The following INTS9 variants were observed in gnomAD, a reference collection of about 807,000 sequenced individuals.
INTS9 encodes protein related to CPSF subunits of 74 kDa.
INTS9 carries 55 observed loss-of-function variants against 79.7 expected under a neutral mutation model. The observed-to-expected ratio is 0.69, with a 90% CI of 0.56 to 0.86. The LOEUF (loss-of-function observed/expected upper bound fraction) is 0.86. Among genes scored for constraint, INTS9 ranks in the 40% least tolerant of loss-of-function variants. INTS9 has a pLI of 0.00. For synonymous variants in INTS9, 319 were observed against 325.2 expected, an observed-to-expected ratio of 0.98 and a Z score of 0.20; for missense variants, 721 against 831.5, an observed-to-expected ratio of 0.87 and a Z score of 1.64.
intron 1 of INTS9, chr8:28,861,942 C>G: frequency 6.9e-6 from 2 of 288,018 alleles, no homozygotes; most frequent in Non-Finnish European, 1.0e-5. Flanking sequence ...TGAGCTCTAC[C>G]CAGTTTCAGA....
intron 1 of INTS9, among the ~76,000 whole-genome samples, chr8:28,889,181 C>CA (rs752846277): frequency 2.0e-5 from 3 of 152,152 alleles, no homozygotes; most frequent in Non-Finnish European, 4.4e-5. Context: ...TGGCTCAAAT[C>CA]AAAGGTCTGA....
At chr8:28,869,505 G>T (rs1004248567) in intron 1 of INTS9, among the ~76,000 whole-genome samples, 2 of 152,188 alleles carry the variant, frequency 1.3e-5, no homozygotes, top group Admixed American at 6.5e-5. Context: ...TCCCAGAGGG[G>T]CTGGGAGCAT....
rs531603452 is a variant in INTS9, at chr8:28,771,636, T to C, written c.1564-556A>G. 5.6e-4 allele frequency among the ~76,000 whole-genome samples: 86 copies of C among 152,354 alleles called. 2 individuals are homozygous for C. The South Asian group carries it at 0.013, about 22-fold the overall frequency. ...AAGCAGCTTAGGATACTTAAGCAGA[T>C]TGGCAAGTGGTACGTGAGGCCTGTT... On this transcript the variant is annotated intron_variant, in intron 14 of 16. Transcript: ENST00000521022.
intron 11 of INTS9, among the ~76,000 whole-genome samples, chr8:28,784,597 G>T (rs186752563): frequency 3.5e-3 from 540 of 152,290 alleles, no homozygotes; most frequent in Middle Eastern, 0.01. Flanking sequence ...GACATTTGTT[G>T]AAATACGTGT....
At chr8:28,804,196 G>A (rs1804676813) in intron 8 of INTS9, among the ~76,000 whole-genome samples, 1 of 152,134 alleles carries the variant, frequency 6.6e-6, no homozygotes, top group South Asian at 2.1e-4. Context: ...AAGGTGTTGG[G>A]ATTACAGGCA....
intron 8 of INTS9, among the ~76,000 whole-genome samples, chr8:28,809,385 G>A (rs181635252): frequency 1.3e-5 from 2 of 152,276 alleles, no homozygotes; most frequent in African/African-American, 2.4e-5. Flanking sequence ...GCTAACATCT[G>A]CATTAGTCTA....
chr8:28,854,969 C>T (rs1808061283), intron 2 of INTS9, among the ~76,000 whole-genome samples: 1 of 152,174 alleles, frequency 6.6e-6, no homozygotes, highest in African/African-American at 2.4e-5. Context: ...TGATTTTGTT[C>T]CTTTTTCTGG....
intron 12 of INTS9, among the ~76,000 whole-genome samples, chr8:28,778,280 C>G (rs1803015146): frequency 1.3e-5 from 2 of 152,160 alleles, no homozygotes; most frequent in African/African-American, 4.8e-5. Context: ...GTTTGGCAAC[C>G]ATTACAGTTC....
chr8:28,836,390 A>G (rs554209607), intron 5 of INTS9, among the ~76,000 whole-genome samples: 11 of 152,316 alleles, frequency 7.2e-5, no homozygotes, highest in Non-Finnish European at 1.5e-4. Flanking sequence ...AAAGGTAGAA[A>G]TGGATTTGAC....
At chr8:28,856,442 G>GTC (rs142538325) in intron 2 of INTS9, among the ~76,000 whole-genome samples, 20 of 150,998 alleles carry the variant, frequency 1.3e-4, no homozygotes, top group South Asian at 1.3e-3. Context: ...TTGAGACACG[G>GTC]TCTCTCTCTC....
intron 8 of INTS9, among the ~76,000 whole-genome samples, chr8:28,799,701 C>T (rs1160729479): frequency 2.6e-5 from 4 of 152,178 alleles, no homozygotes; most frequent in Non-Finnish European, 5.9e-5. Flanking sequence ...CAAATACACA[C>T]ACAAAGAAAA....
chr8:28,859,645 ATCT>A (rs1343408548), intron 1 of INTS9, 82 bp from the exon 2 acceptor site: 9 of 1,440,456 alleles, frequency 6.2e-6, no homozygotes, highest in African/African-American at 1.4e-5. Flanking sequence ...AACTCTGACG[ATCT>A]TCTCTCATAA....
intron 1 of INTS9, among the ~76,000 whole-genome samples, chr8:28,870,353 T>C (rs1421773723): frequency 8.3e-5 from 11 of 132,508 alleles, no homozygotes; most frequent in African/African-American, 3.7e-4. Context: ...AAAAAGCTTT[T>C]TTTTTTTTTT....
At chr8:28,820,432 T>C (rs1805764220) in intron 6 of INTS9, among the ~76,000 whole-genome samples, 1 of 152,210 alleles carries the variant, frequency 6.6e-6, no homozygotes, top group Admixed American at 6.5e-5. Context: ...GGTTGAAAAT[T>C]CTTTTCTTTA....
chr8:28,848,799 A>G (rs1807670980), intron 3 of INTS9, among the ~76,000 whole-genome samples: 1 of 152,068 alleles, frequency 6.6e-6, no homozygotes, highest in African/African-American at 2.4e-5. Flanking sequence ...AACACTTACA[A>G]TGTCACTGTA....
intron 10 of INTS9, among the ~76,000 whole-genome samples, chr8:28,792,806 C>T (rs925557799): frequency 1.7e-4 from 25 of 151,230 alleles, no homozygotes; most frequent in African/African-American, 5.8e-4. Context: ...CCAGCTTCTT[C>T]GGAGGCTGAG....
In INTS9 at chr8:28,836,062, G is replaced by A. The variant is rs555309373; in HGVS notation, c.402-684C>T. On this transcript the variant is annotated intron_variant, in intron 5 of 16. Coordinates refer to ENST00000521022, the MANE Select transcript of INTS9 (RefSeq NM_018250.4). ...TGACCTCAGGTGATCCACCCGCCTC[G>A]GCCTCCCAAAGTGCTGGGGGATTAC... Among the ~76,000 whole-genome samples, 7 of 152,156 alleles carry A rather than the reference G, an allele frequency of 4.6e-5. No individual in the cohort carries two copies. In the East Asian group the frequency reaches 7.7e-4, roughly 17 times the overall value.
intron 8 of INTS9, among the ~76,000 whole-genome samples, chr8:28,806,784 T>C (rs1258344137): frequency 6.6e-6 from 1 of 152,210 alleles, no homozygotes; most frequent in Non-Finnish European, 1.5e-5. Flanking sequence ...TTTGGTTATT[T>C]AAATCATGAA....
intron 1 of INTS9, among the ~76,000 whole-genome samples, chr8:28,867,038 G>A (rs1475991167): frequency 2.0e-5 from 3 of 152,108 alleles, no homozygotes; most frequent in Non-Finnish European, 4.4e-5. Context: ...TGTAATCCTA[G>A]CACTTTGAGA....
Sources: gnomAD v4.1 joint callset for allele counts (sites outside exome capture counted in the v4.1 genomes callset) on GRCh38, gnomAD v4.1.1 for gene constraint, MANE v1.5 for transcripts, NCBI Gene and HGNC (gene_info 2026-07-23, HGNC 2026-07-21) for gene names.